MRTFB: variants seen among roughly 807,000 people sequenced by gnomAD.
The protein encoded by MRTFB is myocardin-related transcription factor B.
In MRTFB, 29 loss-of-function variants were observed where a neutral mutation model predicts 104.2. The observed-to-expected ratio is 0.28, with a 90% CI of 0.21 to 0.38. The LOEUF is 0.38. Ranked by LOEUF, MRTFB falls within the 10% of genes least tolerant of loss-of-function variation. The probability of loss-of-function intolerance (pLI) is 1.00; values close to 1 mark genes in which losing one functional copy is unlikely to be tolerated. For missense variants in MRTFB, 1,270 were observed against 1,341.6 expected (o/e 0.95, Z 0.83); for synonymous variants, 535 against 519.5 (o/e 1.03, Z -0.41).
intron 2 of MRTFB, among the ~76,000 whole-genome samples, chr16:14,138,961 G>A (rs188761299): frequency 9.9e-5 from 15 of 152,098 alleles, no homozygotes; most frequent in Middle Eastern, 3.4e-3. Flanking sequence ...AATGTAAAAC[G>A]TGAAACTAGA....
chr16:14,159,345 A>G (rs1405987344), intron 3 of MRTFB, among the ~76,000 whole-genome samples: 1 of 152,234 alleles, frequency 6.6e-6, no homozygotes. Flanking sequence ...CAGCTAAATG[A>G]ATGAAGAAAT....
intron 6 of MRTFB, among the ~76,000 whole-genome samples, chr16:14,214,065 C>T (rs1283297610): frequency 6.6e-6 from 1 of 152,192 alleles, no homozygotes; most frequent in Non-Finnish European, 1.5e-5. Context: ...CAACAAGCCA[C>T]CTTGAGCTGA....
chr16:14,207,975 A>C (rs542551795), intron 3 of MRTFB, among the ~76,000 whole-genome samples: 1 of 151,116 alleles, frequency 6.6e-6, no homozygotes, highest in South Asian at 2.1e-4. Context: ...AACTCCAGGT[A>C]CCTAGTGTCA....
At chr16:14,129,394 C>T (rs1258371810) in intron 2 of MRTFB, among the ~76,000 whole-genome samples, 1 of 152,016 alleles carries the variant, frequency 6.6e-6, no homozygotes, top group Non-Finnish European at 1.5e-5. Context: ...TATTTCTTTT[C>T]CATTTTGTTG....
intron 3 of MRTFB, among the ~76,000 whole-genome samples, chr16:14,164,242 A>T (rs1054348637): frequency 1.3e-5 from 2 of 152,140 alleles, no homozygotes; most frequent in African/African-American, 4.8e-5. Context: ...CAGCCGCAGA[A>T]CTATCATTCC....
chr16:14,032,581 T>A, the MRTFB span, among the ~76,000 whole-genome samples: 1 of 152,180 alleles, frequency 6.6e-6, no homozygotes, highest in African/African-American at 2.4e-5. Context: ...CTTAGCAAAT[T>A]ATTGAACCTG....
At chr16:14,014,943 C>T in the MRTFB span, among the ~76,000 whole-genome samples, 1 of 152,256 alleles carries the variant, frequency 6.6e-6, no homozygotes, top group African/African-American at 2.4e-5. Context: ...CCCCCAACAC[C>T]TCCACACTCC....
chr16:14,233,981 G>A lies in MRTFB; in HGVS notation c.694-165G>A, dbSNP rs74009147. Among the ~76,000 whole-genome samples the A allele has an allele frequency of 3.4e-3, 525 of 152,222 alleles. 2 individuals are homozygous for A. Among genetic ancestry groups the A allele is most frequent in the African/African-American group, 9.6e-3 (399 of 41,530 alleles). Reference sequence around the variant, plus strand: ...ACTAAATGATTGGCTCCACTGAGGCGTAAAGCATGTTATTCCACCATCTGG... The same window carrying A: ...ACTAAATGATTGGCTCCACTGAGGCATAAAGCATGTTATTCCACCATCTGG... On this transcript the variant is annotated intron_variant, in intron 8 of 16. Transcript: ENST00000571589.
chr16:14,144,173 A>T (rs1355914568), intron 3 of MRTFB: 1 of 152,214 alleles, frequency 6.6e-6, no homozygotes, highest in East Asian at 1.9e-4. Context: ...TGTTTTCTTC[A>T]AGAGTCCTTT....
intron 13 of MRTFB, among the ~76,000 whole-genome samples, chr16:14,249,976 ATGTT>A (rs1234785754): frequency 6.6e-6 from 1 of 152,202 alleles, no homozygotes; most frequent in East Asian, 1.9e-4. Context: ...TCATGGTTGT[ATGTT>A]ACTGAGTTTG....
intron 8 of MRTFB, among the ~76,000 whole-genome samples, chr16:14,231,505 A>G (rs1400535552): frequency 6.6e-6 from 1 of 152,028 alleles, no homozygotes; most frequent in African/African-American, 2.4e-5. Flanking sequence ...CCAATACTCA[A>G]TAGTTATTTT....
chr16:14,210,507 G>A (rs942137322), intron 4 of MRTFB, among the ~76,000 whole-genome samples, 199 bp downstream of exon 4: 4 of 152,160 alleles, frequency 2.6e-5, no homozygotes, highest in African/African-American at 9.7e-5. Flanking sequence ...GTTTAAAAGA[G>A]GAACTTGAAT....
chr16:14,232,636 C>T (rs1244174913), intron 8 of MRTFB, among the ~76,000 whole-genome samples: 1 of 152,162 alleles, frequency 6.6e-6, no homozygotes, highest in Non-Finnish European at 1.5e-5. Context: ...CCTCAGGGAG[C>T]GAGAGAGCTG....
chr16:14,212,291 C>G (rs2041225129), intron 4 of MRTFB, 63 bp from the exon 5 acceptor site: 1 of 1,499,716 alleles, frequency 6.7e-7, no homozygotes, highest in African/African-American at 1.4e-5. Context: ...CCATGGTATA[C>G]TATAACATTG....
chr16:14,069,636 C>T (rs2033579225), upstream of MRTFB, among the ~76,000 whole-genome samples: 3 of 152,156 alleles, frequency 2.0e-5, no homozygotes, highest in Non-Finnish European at 4.4e-5. Context: ...AGGCATGTGC[C>T]ACCATGCCCA....
intron 8 of MRTFB, among the ~76,000 whole-genome samples, chr16:14,231,190 G>A (rs1003581579): frequency 6.3e-4 from 96 of 151,436 alleles, no homozygotes; most frequent in African/African-American, 2.2e-3. Flanking sequence ...GCTAAATGAC[G>A]AGTTAATGGG....
rs775630661 is a variant in MRTFB, at chr16:14,218,921, CAG to C, written c.617_618del (p.Gln206ArgfsTer8). 1.2e-6 allele frequency: 2 copies of C among 1,614,102 alleles called. No homozygotes were observed. Among genetic ancestry groups the C allele is most frequent in the Non-Finnish European group, 1.7e-6 (2 of 1,179,992 alleles). Reference protein sequence around the residue: ...SPDQPASQESQGSAASPSEPK... With the variant: ...SPDQPASQESXGSAASPSEPK... Reference sequence around the variant, plus strand: ...GGACCAGCCTGCGAGTCAGGAGTCACAGGGGTCAGCCGCGTCCCCAAGTGAGC... The same window carrying C: ...GGACCAGCCTGCGAGTCAGGAGTCACGGGTCAGCCGCGTCCCCAAGTGAGC... On this transcript the variant is annotated frameshift_variant, in exon 8 of 17. Transcript: ENST00000571589. LOFTEE classifies it high-confidence loss of function.
chr16:14,244,858 C>A (rs990218540), intron 10 of MRTFB, among the ~76,000 whole-genome samples: 5 of 152,190 alleles, frequency 3.3e-5, no homozygotes, highest in African/African-American at 1.2e-4. Flanking sequence ...TGACTTTTCA[C>A]TGTCTTAAAG....
chr16:14,049,446 A>G, the MRTFB span, among the ~76,000 whole-genome samples: 2 of 152,238 alleles, frequency 1.3e-5, no homozygotes, highest in African/African-American at 4.8e-5. Flanking sequence ...TGAAGCTTGG[A>G]TTCTCTTTGC....
Sources: allele counts gnomAD v4.1 joint callset (sites outside exome capture counted in the v4.1 genomes callset), GRCh38; gene constraint gnomAD v4.1.1; transcripts MANE v1.5; gene names NCBI Gene and HGNC (gene_info 2026-07-23, HGNC 2026-07-21).